Variants in PDE10A observed in about 807,000 individuals in gnomAD.
PDE10A encodes the protein phosphodiesterase 10A.
Under a neutral mutation model 97.7 loss-of-function variants are expected in PDE10A, and 39 were observed. That is an observed-to-expected ratio of 0.40 (90% CI 0.31 to 0.52). The LOEUF is 0.52. Ranked by LOEUF, PDE10A falls within the 20% of genes least tolerant of loss-of-function variation. The probability of loss-of-function intolerance (pLI) is 0.56; values close to 1 mark genes in which losing one functional copy is unlikely to be tolerated. For missense variants in PDE10A, 731 were observed against 1,047.8 expected (o/e 0.70, Z 4.17); for synonymous variants, 371 against 376.8 (o/e 0.98, Z 0.18).
rs371527393 is a variant in PDE10A at position 165,339,265 on chromosome 6, T to G, written c.2976+13A>C. On this transcript the variant is annotated intron_variant, in intron 20 of 21. Coordinates refer to ENST00000539869, the MANE Select transcript of PDE10A (RefSeq NM_001385079.1). ...TGGCTTTAGCAATTACAATTTACTT[T>G]AATAATTCATACCTGGCCTTGGGGG... The G allele has an allele frequency of 2.9e-5, 44 of 1,504,940 alleles. No homozygotes were observed. Among genetic ancestry groups the G allele is most frequent in the Middle Eastern group, 1.7e-4 (1 of 5,882 alleles). 93.2% of individuals were successfully genotyped at this position (1,504,940 alleles called of 1,614,324 possible). A position where few individuals can be genotyped will look rare whatever the true frequency, so the allele number is the denominator to read the frequency against.
intron 1 of PDE10A, among the ~76,000 whole-genome samples, chr6:165,606,764 T>C (rs1787229758): frequency 6.6e-6 from 1 of 152,026 alleles, no homozygotes; most frequent in Admixed American, 6.6e-5. Context: ...AAATCAAGTA[T>C]GAGGAAAAGC....
At chr6:165,813,147 A>G (rs546340625) in intron 1 of PDE10A, among the ~76,000 whole-genome samples, 2 of 152,330 alleles carry the variant, frequency 1.3e-5, no homozygotes, top group South Asian at 4.1e-4. Flanking sequence ...AGGGAGGTTA[A>G]GGAAATGGCT....
At chr6:165,380,970 C>T (rs367891889) in intron 17 of PDE10A, among the ~76,000 whole-genome samples, 40 of 152,380 alleles carry the variant, frequency 2.6e-4, no homozygotes, top group African/African-American at 8.2e-4. Flanking sequence ...CTCACGCACA[C>T]ATCTGCTTTC....
intron 1 of PDE10A, among the ~76,000 whole-genome samples, chr6:165,719,601 G>T (rs1792115042): frequency 6.6e-6 from 1 of 150,790 alleles, no homozygotes; most frequent in African/African-American, 2.4e-5. Flanking sequence ...GTGACAGGAG[G>T]TTCCAGCACA....
intron 3 of PDE10A, among the ~76,000 whole-genome samples, chr6:165,453,810 C>T (rs1309488256): frequency 1.3e-5 from 2 of 152,184 alleles, no homozygotes; most frequent in African/African-American, 2.4e-5. Flanking sequence ...ACAGACAGCC[C>T]CCAGTAGGCC....
chr6:165,611,046 G>C lies in PDE10A; in HGVS notation c.865+50901C>G, dbSNP rs113415247. Among the ~76,000 whole-genome samples the C allele has an allele frequency of 7.5e-3, 1,144 of 151,648 alleles. 16 individuals are homozygous for C. The highest frequency in any genetic ancestry group is 0.026 in the African/African-American group (1,079 of 41,380). On this transcript the variant is annotated intron_variant, in intron 1 of 21. Transcript: ENST00000539869. ...CTATTCCTAGCCCTTGCTTCTGCTT[G>C]TCTCTCTCAAAATAGTGTTTCTTTC...
At chr6:165,607,239 T>C (rs1185935370) in intron 1 of PDE10A, among the ~76,000 whole-genome samples, 1 of 152,212 alleles carries the variant, frequency 6.6e-6, no homozygotes, top group Admixed American at 6.5e-5. Context: ...TGGACAGCAA[T>C]GCTTTAGCTG....
intron 1 of PDE10A, among the ~76,000 whole-genome samples, chr6:165,918,169 G>A (rs1782659091): frequency 6.6e-6 from 1 of 152,128 alleles, no homozygotes; most frequent in Non-Finnish European, 1.5e-5. Context: ...CAGCAAACAT[G>A]GATGTATTTT....
At chr6:165,852,684 A>G (rs1780603881) in intron 1 of PDE10A, among the ~76,000 whole-genome samples, 1 of 152,168 alleles carries the variant, frequency 6.6e-6, no homozygotes, top group South Asian at 2.1e-4. Context: ...GGATGGTGAG[A>G]CGGCCTTGGT....
chr6:165,796,447 T>G (rs953443837), intron 1 of PDE10A, among the ~76,000 whole-genome samples: 7 of 152,182 alleles, frequency 4.6e-5, no homozygotes, highest in African/African-American at 1.7e-4. Flanking sequence ...GTCATTTGTT[T>G]CTTATCTTGA....
At chr6:165,469,998 T>A (rs221735) in intron 3 of PDE10A, among the ~76,000 whole-genome samples, 3 of 151,930 alleles carry the variant, frequency 2.0e-5, no homozygotes, top group Non-Finnish European at 2.9e-5. Context: ...ACTTTAGCCC[T>A]GTGGTTTTCA....
intron 1 of PDE10A, among the ~76,000 whole-genome samples, chr6:165,701,747 G>C (rs1475706843): frequency 6.6e-6 from 1 of 151,896 alleles, no homozygotes; most frequent in Non-Finnish European, 1.5e-5. Context: ...GTGTGTGCAT[G>C]TGTGTATGTT....
intron 1 of PDE10A, among the ~76,000 whole-genome samples, chr6:165,841,726 G>A (rs919129276): frequency 2.0e-4 from 30 of 152,156 alleles, no homozygotes; most frequent in African/African-American, 6.8e-4. Context: ...AGTGCTTCTC[G>A]GCCTAAGAAA....
upstream of PDE10A, among the ~76,000 whole-genome samples, chr6:165,664,724 C>T (rs369510780): frequency 1.5e-3 from 223 of 152,336 alleles, no homozygotes; most frequent in African/African-American, 5.3e-3. Flanking sequence ...GGAGTTTGTG[C>T]TTTCGCGACT....
chr6:165,800,000 T>C (rs1424133058), intron 1 of PDE10A, among the ~76,000 whole-genome samples: 1 of 152,196 alleles, frequency 6.6e-6, no homozygotes, highest in East Asian at 1.9e-4. Flanking sequence ...ATATTAAAGA[T>C]AAATAGTGGA....
chr6:165,508,053 A>G (rs1781301322), intron 2 of PDE10A, among the ~76,000 whole-genome samples: 1 of 152,094 alleles, frequency 6.6e-6, no homozygotes, highest in African/African-American at 2.4e-5. Context: ...TTAAAAGGCC[A>G]TTACTTGTAT....
intron 1 of PDE10A, among the ~76,000 whole-genome samples, chr6:165,780,010 A>G (rs1311795393): frequency 6.6e-6 from 1 of 152,200 alleles, no homozygotes; most frequent in African/African-American, 2.4e-5. Context: ...TCTTGCCTCA[A>G]GTCTAAATGT....
intron 1 of PDE10A, among the ~76,000 whole-genome samples, chr6:165,603,668 C>T (rs1047066242): frequency 6.6e-6 from 1 of 152,230 alleles, no homozygotes; most frequent in African/African-American, 2.4e-5. Context: ...AGGGCCCATG[C>T]TCTGTGTCCT....
chr6:165,906,066 G>A (rs55749925), intron 1 of PDE10A, among the ~76,000 whole-genome samples: 1 of 5,586 alleles, frequency 1.8e-4, no homozygotes, highest in African/African-American at 9.1e-4. Flanking sequence ...CCCTCCCTCC[G>A]TCCCTTCCTT....
Sources: gnomAD v4.1 joint callset for allele counts (sites outside exome capture counted in the v4.1 genomes callset) on GRCh38, gnomAD v4.1.1 for gene constraint, MANE v1.5 for transcripts, NCBI Gene and HGNC (gene_info 2026-07-23, HGNC 2026-07-21) for gene names.